The following RNF114 variants were observed in gnomAD, a reference collection of about 807,000 sequenced individuals.
The protein encoded by RNF114 is ring finger protein 114.
Under a neutral mutation model 28.4 loss-of-function variants are expected in RNF114, and 6 were observed. The ratio of observed to expected loss-of-function variants is 0.21; its 90% CI spans 0.12 to 0.42. The LOEUF (loss-of-function observed/expected upper bound fraction) is 0.42. Among genes scored for constraint, RNF114 ranks in the 10% least tolerant of loss-of-function variants. The probability of loss-of-function intolerance (pLI) is 1.00; values close to 1 mark genes in which losing one functional copy is unlikely to be tolerated. For missense variants in RNF114, 249 were observed against 311.7 expected, an observed-to-expected ratio of 0.80 and a Z score of 1.51; for synonymous variants, 115 against 116.7, an observed-to-expected ratio of 0.99 and a Z score of 0.09.
chr20:49,951,929 T>C (rs1217444465), intron 5 of RNF114, 147 bp from the exon 6 acceptor site: 1 of 620,354 alleles, frequency 1.6e-6, no homozygotes, highest in East Asian at 2.6e-5. Context: ...CAAAGTTACA[T>C]ACCTAGCATC....
At chr20:49,949,182 C>A in intron 4 of RNF114, 66 bp from the exon 5 acceptor site, 1 of 1,311,616 alleles carries the variant, frequency 7.6e-7, no homozygotes, top group Non-Finnish European at 1.1e-6. Context: ...AGGCCAGACA[C>A]AGGCCACAGA....
At chr20:49,948,257 C>G (rs1301549163) in intron 4 of RNF114, among the ~76,000 whole-genome samples, 1 of 152,076 alleles carries the variant, frequency 6.6e-6, no homozygotes, top group Non-Finnish European at 1.5e-5. Flanking sequence ...CCCTTTATCA[C>G]TGTATCTTCC....
In RNF114 at chr20:49,941,603, G is replaced by A; in HGVS notation, c.183G>A (p.Lys61=). The change falls in exon 2 of 6, where the codon AAG becomes AAA. Residue 61 remains lysine (K), a synonymous_variant. Coordinates refer to ENST00000244061, the MANE Select transcript of RNF114 (RefSeq NM_018683.4). ...TGCAGGAATGTCTGAAGCCGAAGAA[G>A]CCTGTCTGTGGGGTGTGTCGCAGCG... ...ACLQECLKPK[K]PVCGVCRSAL... The A allele has an allele frequency of 6.2e-7, 1 of 1,610,908 alleles. No individual in the cohort carries two copies. The highest frequency in any genetic ancestry group is 8.5e-7 in the Non-Finnish European group (1 of 1,177,828).
Position 49,939,752 on chromosome 20 carries a change from T to TAA in RNF114, c.141-1796_141-1795dup, listed in dbSNP as rs935830658. On this transcript the variant is annotated intron_variant, in intron 1 of 5. Transcript: ENST00000244061. The stretch of plus-strand genomic sequence containing the variant: ...CTTTGTCTCTTCTCACCTTCTCACC[T>TAA]AAAAAAAAAAAAAACTATAGGGCTG... Among the ~76,000 whole-genome samples, 1,085 of 136,826 alleles carry TAA rather than the reference T, an allele frequency of 7.9e-3. 5 individuals are homozygous for TAA. The highest frequency in any genetic ancestry group is 0.017 in the South Asian group (72 of 4,244). The allele number at this position is 136,826 out of a possible 152,430, so 89.8% of individuals were successfully genotyped here. A position where few individuals can be genotyped will look rare whatever the true frequency, so the allele number is the denominator to read the frequency against.
At chr20:49,945,885 T>G (rs933145712) in intron 3 of RNF114, among the ~76,000 whole-genome samples, 2 of 152,184 alleles carry the variant, frequency 1.3e-5, no homozygotes, top group African/African-American at 4.8e-5. Flanking sequence ...AGGCTGGTCT[T>G]GAACTCCTGA....
At position 49,952,439 on chromosome 20, in the gene RNF114, T is replaced by G; in HGVS notation, c.*298T>G. Reference sequence around the variant, plus strand: ...CGCCTCCTGTGGAAGATAATCTAGCTTCTCCACCTCTTGTTTCACACTCAT... The same window carrying G: ...CGCCTCCTGTGGAAGATAATCTAGCGTCTCCACCTCTTGTTTCACACTCAT... On this transcript the variant is annotated 3_prime_UTR_variant, in exon 6 of 6. Coordinates refer to ENST00000244061, the MANE Select transcript of RNF114 (RefSeq NM_018683.4). 1.9e-6 allele frequency: 1 copy of G among 522,884 alleles called. No individual in the cohort carries two copies. The highest frequency in any genetic ancestry group is 1.9e-5 in the African/African-American group (1 of 53,030). The allele number at this position is 522,884 out of a possible 1,614,324, so 32.4% of individuals were successfully genotyped here. A position where few individuals can be genotyped will look rare whatever the true frequency, so the allele number is the denominator to read the frequency against.
chr20:49,941,414 C>A, intron 1 of RNF114, 147 bp from the exon 2 acceptor site: 1 of 836,746 alleles, frequency 1.2e-6, no homozygotes, highest in Non-Finnish European at 1.8e-6. Context: ...TTTTTTCTGG[C>A]TTGGAAGGAC....
chr20:49,942,944 T>C (rs2090313373), intron 2 of RNF114, among the ~76,000 whole-genome samples: 1 of 152,214 alleles, frequency 6.6e-6, no homozygotes, highest in Non-Finnish European at 1.5e-5. Context: ...TATACTATAA[T>C]ATATATATTT....
intron 4 of RNF114, among the ~76,000 whole-genome samples, chr20:49,948,549 T>C (rs889497090): frequency 6.6e-6 from 1 of 151,786 alleles, no homozygotes; most frequent in African/African-American, 2.4e-5. Flanking sequence ...GCGATTCTCA[T>C]GCCTCAGCCT....
intron 5 of RNF114, 92 bp downstream of exon 5, chr20:49,949,447 T>G (rs911115597): frequency 1.9e-6 from 2 of 1,072,834 alleles, no homozygotes; most frequent in African/African-American, 3.1e-5. Context: ...ATCCCCAGTG[T>G]TGAACTTTGT....
At chr20:49,948,277 G>A (rs1177849413) in intron 4 of RNF114, among the ~76,000 whole-genome samples, 1 of 152,032 alleles carries the variant, frequency 6.6e-6, no homozygotes, top group Non-Finnish European at 1.5e-5. Flanking sequence ...CTTGCTGTGG[G>A]GTAGGGTTCC....
rs113969746 is a variant in RNF114 at position 49,940,297 on chromosome 20, G to T, written c.141-1264G>T. 1.3e-3 allele frequency among the ~76,000 whole-genome samples: 200 copies of T among 152,030 alleles called. 1 individual carries two copies. The highest frequency in any genetic ancestry group is 3.1e-3 in the Admixed American group (47 of 15,274). On this transcript the variant is annotated intron_variant, in intron 1 of 5. Coordinates refer to ENST00000244061, the MANE Select transcript of RNF114 (RefSeq NM_018683.4). ...GCTAGCTGACCTCTTTTTTTAAAATGCCAGAGGGGTAATGGGCCAACATCT... is the reference window on the plus strand; with the variant it reads ...GCTAGCTGACCTCTTTTTTTAAAATTCCAGAGGGGTAATGGGCCAACATCT...
Position 49,936,496 on chromosome 20 carries a change from G to A in RNF114, c.84G>A (p.Thr28=), listed in dbSNP as rs1186032960. Residue 28 remains threonine, a synonymous_variant, in exon 1 of 6, where the codon ACG becomes ACA. Transcript: ENST00000244061. Reference sequence around the variant, plus strand: ...AGGCTGACCCCCTAGGACGCTTCACGTGTCCCGTGTGCTTAGAGGTGTACG... The same window carrying A: ...AGGCTGACCCCCTAGGACGCTTCACATGTCCCGTGTGCTTAGAGGTGTACG... ...AAEADPLGRF[T]CPVCLEVYEK... is the part of the protein sequence containing the mutation. 3.8e-6 allele frequency: 6 copies of A among 1,572,640 alleles called. No individual in the cohort carries two copies. Among genetic ancestry groups the A allele is most frequent in the Non-Finnish European group, 5.2e-6 (6 of 1,160,512 alleles).
intron 2 of RNF114, 117 bp from the exon 3 acceptor site, chr20:49,945,265 T>G (rs2090325323): frequency 7.8e-4 from 480 of 611,676 alleles, no homozygotes; most frequent in East Asian, 1.4e-3. Flanking sequence ...AGGAGTTTGG[T>G]GAGATTATTT....
At chr20:49,944,891 A>C (rs1047076993) in intron 2 of RNF114, 1 of 152,458 alleles carries the variant, frequency 6.6e-6, no homozygotes. Context: ...TCTCAAAAAA[A>C]AAAAAAAAGA....
At chr20:49,947,102 C>T (rs2090335088) in intron 4 of RNF114, among the ~76,000 whole-genome samples, 1 of 151,102 alleles carries the variant, frequency 6.6e-6, no homozygotes, top group South Asian at 2.1e-4. Context: ...CGCCTTTAAT[C>T]CCAGCTACTT....
chr20:49,943,968 C>T (rs1347065381), intron 2 of RNF114: 4 of 150,770 alleles, frequency 2.7e-5, no homozygotes, highest in Non-Finnish European at 4.4e-5. Context: ...GACCTCGTGA[C>T]CCGCCCGCCT....
chr20:49,944,038 T>C (rs2090319248), intron 2 of RNF114: 1 of 151,924 alleles, frequency 6.6e-6, no homozygotes, highest in African/African-American at 2.4e-5. Context: ...TCTTCATCTT[T>C]ATTTATGCAT....
chr20:49,943,996 G>A (rs1039254428), intron 2 of RNF114: 2 of 151,350 alleles, frequency 1.3e-5, no homozygotes, highest in Non-Finnish European at 2.9e-5. Flanking sequence ...CCAAAATGCT[G>A]GGATTATAGG....
Sources: gnomAD v4.1 joint callset for allele counts (sites outside exome capture counted in the v4.1 genomes callset) on GRCh38, gnomAD v4.1.1 for gene constraint, MANE v1.5 for transcripts, NCBI Gene and HGNC (gene_info 2026-07-23, HGNC 2026-07-21) for gene names.